Variants in RBM39 observed in about 807,000 individuals in gnomAD.
RBM39 encodes the protein RNA binding motif protein 39, also known as RNA-binding protein 39.
A neutral mutation model predicts 79.6 loss-of-function variants in RBM39; 12 were observed. The ratio of observed to expected loss-of-function variants is 0.15; its 90% confidence interval spans 0.10 to 0.24. RBM39 has a LOEUF of 0.24. RBM39 is among the 10% of genes least tolerant of loss of function. RBM39 has a pLI of 1.00. For synonymous variants in RBM39, 185 were observed against 208.4 expected (o/e 0.89, Z 0.97); for missense variants, 243 against 653.4 (o/e 0.37, Z 6.85).
In RBM39 at chr20:35,732,153, C is replaced by T. The variant is rs1394387959; in HGVS notation, c.102-18G>A. 3 of 1,612,702 alleles carry T rather than the reference C, an allele frequency of 1.9e-6. No individual in the cohort carries two copies. Among genetic ancestry groups the T allele is most frequent in the Admixed American group, 1.7e-5 (1 of 59,912 alleles). ...TTTTCCTCCTGAGAAGAAAAAAACTCGCCATTATCATGCTGGCTTAAGAAC... is the reference window on the plus strand; with the variant it reads ...TTTTCCTCCTGAGAAGAAAAAAACTTGCCATTATCATGCTGGCTTAAGAAC... On this transcript the variant is annotated intron_variant, in intron 3 of 16. Transcript: ENST00000253363.
intron 3 of RBM39, among the ~76,000 whole-genome samples, chr20:35,738,588 T>C (rs1476781908): frequency 6.6e-6 from 1 of 152,250 alleles, no homozygotes; most frequent in Non-Finnish European, 1.5e-5. Flanking sequence ...ATACTTTCCA[T>C]GGCCTAGTTA....
At chr20:35,711,110 C>T (rs922856817) in intron 12 of RBM39, among the ~76,000 whole-genome samples, 19 of 152,258 alleles carry the variant, frequency 1.2e-4, no homozygotes, top group African/African-American at 4.6e-4. Context: ...ATCAACGTAT[C>T]TGATACAGCA....
chr20:35,741,695 G>C (rs1335106566), intron 1 of RBM39: 1 of 152,132 alleles, frequency 6.6e-6, no homozygotes, highest in Non-Finnish European at 1.5e-5. Context: ...GGGAGGTCGC[G>C]GCCGGCCCAG....
Position 35,703,301 on chromosome 20 carries a change from A to T in RBM39, c.*1180T>A, listed in dbSNP as rs1007498321. On this transcript the variant is annotated 3_prime_UTR_variant, in exon 17 of 17. Coordinates refer to ENST00000253363, the MANE Select transcript of RBM39 (RefSeq NM_184234.3). ...AGTTAAGCCATTTTGTTAAGTATGT[A>T]TTGTAAATGGTGAAAATTTCTTCAT... 7 of 152,204 alleles carry T rather than the reference A, an allele frequency of 4.6e-5. No individual in the cohort carries two copies. The highest frequency in any genetic ancestry group is 1.7e-4 in the African/African-American group (7 of 41,444). 9.4% of individuals were successfully genotyped at this position (152,204 alleles called of 1,614,324 possible).
At chr20:35,714,522 G>C (rs1407469823) in intron 10 of RBM39, 133 bp from the exon 11 acceptor site, 5 of 1,279,118 alleles carry the variant, frequency 3.9e-6, no homozygotes, top group Non-Finnish European at 4.1e-6. Context: ...ACTGCAAGCT[G>C]TAAGTAGCAA....
In RBM39 at chr20:35,724,863, TC is replaced by T. The variant is rs1283096979; in HGVS notation, c.535-142del. 8.5e-6 allele frequency: 10 copies of T among 1,174,834 alleles called. No individual in the cohort carries two copies. The Admixed American group carries it at 2.0e-4, about 23-fold the overall frequency. 72.8% of individuals were successfully genotyped at this position (1,174,834 alleles called of 1,614,324 possible). On this transcript the variant is annotated intron_variant, in intron 7 of 16. Transcript: ENST00000253363. Reference sequence around the variant, plus strand: ...TCTGTAGGACAATTCCTATATCCTATCTTTATCTTTGAACAAATTTGTAGTA... The same window carrying T: ...TCTGTAGGACAATTCCTATATCCTATTTTATCTTTGAACAAATTTGTAGTA...
intron 13 of RBM39, chr20:35,709,001 C>CAA (rs73622029): frequency 3.6e-4 from 132 of 362,824 alleles, no homozygotes; most frequent in Non-Finnish European, 5.6e-4. Context: ...CAAACTAAAG[C>CAA]AAAAAAAAAA....
chr20:35,708,585 T>C (rs2036035858), intron 13 of RBM39, among the ~76,000 whole-genome samples: 1 of 149,662 alleles, frequency 6.7e-6, no homozygotes, highest in African/African-American at 2.4e-5. Context: ...TCATAATCAT[T>C]TCCCTAAACA....
At position 35,702,843 on chromosome 20, in the gene RBM39, C is replaced by G. The variant is rs781376903; in HGVS notation, c.*1638G>C. ...ACTGAGGTGGGAGAATTGCTTGAACCTGGGAGATGGAGCTGAGATCACATC... is the reference window on the plus strand; with the variant it reads ...ACTGAGGTGGGAGAATTGCTTGAACGTGGGAGATGGAGCTGAGATCACATC... On this transcript the variant is annotated 3_prime_UTR_variant, in exon 17 of 17. Coordinates refer to ENST00000253363, the MANE Select transcript of RBM39 (RefSeq NM_184234.3). 1 of 152,142 alleles carries G rather than the reference C, an allele frequency of 6.6e-6. No homozygotes were observed. Among genetic ancestry groups the G allele is most frequent in the Non-Finnish European group, 1.5e-5 (1 of 68,062 alleles). 9.4% of individuals were successfully genotyped at this position (152,142 alleles called of 1,614,324 possible).
intron 6 of RBM39, among the ~76,000 whole-genome samples, chr20:35,725,953 C>T (rs1440851026): frequency 6.6e-6 from 1 of 151,940 alleles, no homozygotes; most frequent in East Asian, 1.9e-4. Flanking sequence ...CATGAGGCAC[C>T]GCACCCGGCC....
intron 9 of RBM39, among the ~76,000 whole-genome samples, chr20:35,718,520 CA>C (rs1350040189): frequency 2.0e-5 from 3 of 151,496 alleles, no homozygotes; most frequent in Non-Finnish European, 2.9e-5. Flanking sequence ...TACTAAAACA[CA>C]AAAAAGTAGG....
chr20:35,736,469 A>T (rs1336922279), intron 3 of RBM39: 4 of 406,214 alleles, frequency 9.8e-6, no homozygotes, highest in Non-Finnish European at 2.0e-5. Flanking sequence ...CCTGAATAAC[A>T]TTATATATTT....
chr20:35,725,172 A>T lies in RBM39; in HGVS notation c.417-17T>A. 7.3e-7 allele frequency: 1 copy of T among 1,369,738 alleles called. No individual in the cohort carries two copies. Among genetic ancestry groups the T allele is most frequent in the Middle Eastern group, 2.5e-4 (1 of 4,002 alleles). 84.8% of individuals were successfully genotyped at this position (1,369,738 alleles called of 1,614,324 possible). ...ATAGGTTCTCTAATAGGAGTAAAACATATAAAATTAATTTCATAACAGATT... is the reference window on the plus strand; with the variant it reads ...ATAGGTTCTCTAATAGGAGTAAAACTTATAAAATTAATTTCATAACAGATT... On this transcript the variant is annotated splice_polypyrimidine_tract_variant and intron_variant, in intron 6 of 16. Transcript: ENST00000253363.
intron 1 of RBM39, 143 bp from the exon 2 acceptor site, chr20:35,741,030 C>CTTTTATTTTTTTTTTTTTTTT (rs2040447943): frequency 8.4e-6 from 1 of 118,628 alleles, no homozygotes; most frequent in African/African-American, 5.2e-5. Context: ...AAACATTTTT[C>CTTTTATTTTTTTTTTTTTTTT]TTTTTTTTTT....
At chr20:35,730,983 T>A (rs770939904) in intron 4 of RBM39, among the ~76,000 whole-genome samples, 1 of 152,208 alleles carries the variant, frequency 6.6e-6, no homozygotes, top group Non-Finnish European at 1.5e-5. Context: ...TTAAGTCCTC[T>A]GAGCACTTTA....
intron 6 of RBM39, among the ~76,000 whole-genome samples, chr20:35,727,013 G>T (rs2038788026): frequency 6.6e-6 from 1 of 151,904 alleles, no homozygotes; most frequent in Non-Finnish European, 1.5e-5. Flanking sequence ...TATTAGTAGA[G>T]ATGGGGTTTC....
At chr20:35,734,111 C>G in intron 3 of RBM39, 2 of 765,438 alleles carry the variant, frequency 2.6e-6, no homozygotes, top group South Asian at 3.6e-5. Context: ...ACAAGAGCAA[C>G]TGAGGTCTGC....
intron 4 of RBM39, among the ~76,000 whole-genome samples, chr20:35,730,569 T>C (rs1157118614): frequency 6.6e-6 from 1 of 152,184 alleles, no homozygotes; most frequent in African/African-American, 2.4e-5. Flanking sequence ...TCTTTCCCCT[T>C]TAATTATAAA....
intron 4 of RBM39, among the ~76,000 whole-genome samples, chr20:35,729,832 G>A (rs1746198343): frequency 1.6e-5 from 1 of 63,772 alleles, no homozygotes; most frequent in African/African-American, 4.5e-5. Context: ...TATATATACA[G>A]TCTTGAGAAT....
Sources: allele counts gnomAD v4.1 joint callset (sites outside exome capture counted in the v4.1 genomes callset), GRCh38; gene constraint gnomAD v4.1.1; transcripts MANE v1.5; gene names NCBI Gene and HGNC (gene_info 2026-07-23, HGNC 2026-07-21).